FAM107B: variants seen among roughly 807,000 people sequenced by gnomAD.
FAM107B encodes family with sequence similarity 107 member B, also known as protein FAM107B.
A neutral mutation model predicts 31.5 loss-of-function variants in FAM107B; 21 were observed. That is an observed-to-expected ratio of 0.67 (90% CI 0.47 to 0.96). The LOEUF (loss-of-function observed/expected upper bound fraction) is 0.96, where lower values mean the gene tolerates loss of function less well. Among genes scored for constraint, FAM107B ranks in the 40% least tolerant of loss-of-function variants. FAM107B has a pLI of 0.00. For missense variants in FAM107B, 452 were observed against 377.1 expected (o/e 1.20, Z -1.64); for synonymous variants, 157 against 141.5 (o/e 1.11, Z -0.78).
chr10:14,706,952 C>T (rs1287800965), intron 1 of FAM107B, among the ~76,000 whole-genome samples: 2 of 152,016 alleles, frequency 1.3e-5, no homozygotes, highest in African/African-American at 2.4e-5. Context: ...CGGTGAAACC[C>T]CGTATCTACT....
At chr10:14,598,883 G>A (rs543858942) in intron 2 of FAM107B, among the ~76,000 whole-genome samples, 20 of 152,196 alleles carry the variant, frequency 1.3e-4, no homozygotes, top group Non-Finnish European at 2.8e-4. Context: ...AAGGGGTTAC[G>A]GGACTTGCTG....
intron 1 of FAM107B, among the ~76,000 whole-genome samples, chr10:14,742,363 C>T (rs1415205812): frequency 6.6e-6 from 1 of 151,836 alleles, no homozygotes; most frequent in Non-Finnish European, 1.5e-5. Flanking sequence ...ATCAGTCCTC[C>T]CACCTCTGCC....
In FAM107B at chr10:14,556,261, G is replaced by A. The variant is rs988959282; in HGVS notation, c.470-25746C>T. 1.2e-5 allele frequency: 9 copies of A among 768,754 alleles called. No individual in the cohort carries two copies. The Admixed American group carries it at 1.9e-4, about 16-fold the overall frequency. 47.6% of individuals were successfully genotyped at this position (768,754 alleles called of 1,614,324 possible). ...CCTCGTCCTTCCTGTCATCAGAACC[G>A]ACTGACTGGAAGGCCAGTAATTTGA... On this transcript the variant is annotated intron_variant, in intron 2 of 4. Transcript: ENST00000181796.
rs189594533 is a variant in FAM107B at position 14,720,713 on chromosome 10, A to C, written c.412-53022T>G. On this transcript the variant is annotated intron_variant, in intron 1 of 4. Transcript: ENST00000181796. ...AGACACCATTGTCTTAAATTCTAGAAGTTCCCAGGCAAACATTTGAAGAAC... is the reference window on the plus strand; with the variant it reads ...AGACACCATTGTCTTAAATTCTAGACGTTCCCAGGCAAACATTTGAAGAAC... 6.7e-3 allele frequency among the ~76,000 whole-genome samples: 1,018 copies of C among 152,334 alleles called. 9 individuals carry two copies. The highest frequency in any genetic ancestry group is 0.022 in the African/African-American group (918 of 41,576).
chr10:14,543,221 T>A (rs538149452), intron 2 of FAM107B, among the ~76,000 whole-genome samples: 8 of 152,288 alleles, frequency 5.3e-5, no homozygotes, highest in African/African-American at 1.9e-4. Flanking sequence ...AGTTTGGTGT[T>A]CAGGGGAGCT....
At chr10:14,749,316 G>A (rs1195720788) in intron 1 of FAM107B, among the ~76,000 whole-genome samples, 1 of 152,164 alleles carries the variant, frequency 6.6e-6, no homozygotes, top group African/African-American at 2.4e-5. Context: ...TCTGAGGGGT[G>A]ACTGCCGGAT....
intron 2 of FAM107B, among the ~76,000 whole-genome samples, chr10:14,597,495 TA>T (rs1160991000): frequency 6.6e-6 from 1 of 152,182 alleles, no homozygotes; most frequent in Non-Finnish European, 1.5e-5. Flanking sequence ...AAGAATGGAA[TA>T]AAACAGGCTA....
At chr10:14,669,846 C>T (rs896193660) in intron 1 of FAM107B, among the ~76,000 whole-genome samples, 3 of 152,156 alleles carry the variant, frequency 2.0e-5, no homozygotes, top group Non-Finnish European at 4.4e-5. Context: ...AGAAGCAATA[C>T]ATTCTAATGT....
chr10:14,568,380 G>A (rs1330823913), intron 2 of FAM107B, among the ~76,000 whole-genome samples: 5 of 151,918 alleles, frequency 3.3e-5, no homozygotes, highest in African/African-American at 1.2e-4. Flanking sequence ...AGACCAGGAG[G>A]TGAAGATACT....
intron 2 of FAM107B, among the ~76,000 whole-genome samples, chr10:14,558,589 G>C (rs1203973987): frequency 1.9e-5 from 1 of 53,374 alleles, no homozygotes; most frequent in Admixed American, 1.5e-4. Flanking sequence ...ACCTGATCTT[G>C]ATTTTTTTTT....
intron 2 of FAM107B, among the ~76,000 whole-genome samples, chr10:14,608,244 T>C (rs1375462329): frequency 6.6e-6 from 1 of 152,206 alleles, no homozygotes; most frequent in Non-Finnish European, 1.5e-5. Flanking sequence ...AATTTTGCAC[T>C]GTGTACGTGG....
chr10:14,523,762 C>T (rs1158117139), intron 3 of FAM107B, among the ~76,000 whole-genome samples: 1 of 152,166 alleles, frequency 6.6e-6, no homozygotes, highest in Non-Finnish European at 1.5e-5. Flanking sequence ...CCTCATTCAT[C>T]TAGAATTTCT....
At chr10:14,538,125 A>G (rs1441250572) in intron 2 of FAM107B, among the ~76,000 whole-genome samples, 1 of 152,234 alleles carries the variant, frequency 6.6e-6, no homozygotes, top group African/African-American at 2.4e-5. Flanking sequence ...GTCTCTCAAC[A>G]GGACTTTAGA....
At chr10:14,758,581 G>A (rs1359343539) in intron 1 of FAM107B, among the ~76,000 whole-genome samples, 3 of 152,008 alleles carry the variant, frequency 2.0e-5, no homozygotes, top group Non-Finnish European at 4.4e-5. Context: ...AGCAGCGCAG[G>A]GCCTGACAGC....
intron 2 of FAM107B, among the ~76,000 whole-genome samples, chr10:14,618,760 C>T (rs1356027655): frequency 6.6e-6 from 1 of 152,004 alleles, no homozygotes; most frequent in Non-Finnish European, 1.5e-5. Flanking sequence ...TCGCTTGAAC[C>T]CGGGAGACAG....
intron 2 of FAM107B, among the ~76,000 whole-genome samples, chr10:14,606,682 C>G (rs892968643): frequency 3.9e-5 from 6 of 152,018 alleles, no homozygotes; most frequent in African/African-American, 1.5e-4. Context: ...TCCCTCCTTC[C>G]TTCTCTCTTC....
At chr10:14,669,892 T>C (rs1229629161) in intron 1 of FAM107B, among the ~76,000 whole-genome samples, 2 of 152,232 alleles carry the variant, frequency 1.3e-5, no homozygotes, top group African/African-American at 2.4e-5. Flanking sequence ...TTAACAACAA[T>C]GTATTGCATA....
At chr10:14,615,095 G>C (rs987064096) in intron 2 of FAM107B, among the ~76,000 whole-genome samples, 1 of 152,130 alleles carries the variant, frequency 6.6e-6, no homozygotes, top group Non-Finnish European at 1.5e-5. Flanking sequence ...TTGGGAGGCC[G>C]AGGTGGGTGG....
intron 2 of FAM107B, among the ~76,000 whole-genome samples, chr10:14,653,135 G>A (rs914551519): frequency 3.9e-5 from 6 of 152,182 alleles, no homozygotes; most frequent in Non-Finnish European, 5.9e-5. Flanking sequence ...AATTACACTT[G>A]TGACCTAATG....
Sources: gnomAD v4.1 joint callset for allele counts (sites outside exome capture counted in the v4.1 genomes callset) on GRCh38, gnomAD v4.1.1 for gene constraint, MANE v1.5 for transcripts, NCBI Gene and HGNC (gene_info 2026-07-23, HGNC 2026-07-21) for gene names.